Variants in IMPG2 observed in about 807,000 individuals in gnomAD.
IMPG2 encodes the protein IPM 200.
In IMPG2, 91 loss-of-function variants were observed where a neutral mutation model predicts 129.2. The ratio of observed to expected loss-of-function variants is 0.70; its 90% CI spans 0.59 to 0.84. The LOEUF (loss-of-function observed/expected upper bound fraction) is 0.84, where lower values mean the gene tolerates loss of function less well. IMPG2 is among the 40% of genes least tolerant of loss of function. IMPG2 has a pLI of 0.00. For synonymous variants in IMPG2, 510 were observed against 517.7 expected, an observed-to-expected ratio of 0.99 and a Z score of 0.20; for missense variants, 1,430 against 1,461.7, an observed-to-expected ratio of 0.98 and a Z score of 0.35.
intron 11 of IMPG2, 48 bp downstream of exon 11, chr3:101,253,645 AAAG>A (rs765763346): frequency 8.0e-7 from 1 of 1,250,856 alleles, no homozygotes; most frequent in African/African-American, 1.5e-5. Flanking sequence ...GTGCAGGAAG[AAAG>A]AAGAGAAGCT....
In IMPG2 at chr3:101,243,718, A is replaced by G; in HGVS notation, c.2613T>C (p.Ser871=). The change falls in exon 13 of 19, where the codon AGT becomes AGC. Residue 871 remains serine (S), a synonymous_variant. Coordinates refer to ENST00000193391, the MANE Select transcript of IMPG2 (RefSeq NM_016247.4). ...KVGSYVEMST[S]VHSTEMVSVA... is the part of the protein sequence containing the mutation. ...CACTAACCATCTCTGTGGAGTGAAC[A>G]CTTGTTGACATTTCCACATAACTAC... 6.2e-7 allele frequency: 1 copy of G among 1,613,940 alleles called. No individual in the cohort carries two copies.
At chr3:101,234,553 A>G (rs1184476586) in intron 14 of IMPG2, among the ~76,000 whole-genome samples, 1 of 152,224 alleles carries the variant, frequency 6.6e-6, no homozygotes, top group Admixed American at 6.5e-5. Context: ...TAACAGGAAA[A>G]ACATACAAAT....
In IMPG2 at chr3:101,226,225, TTATATATATATATATATATA is replaced by T. The variant is rs66908707; in HGVS notation, c.*724_*743del. ...TAGATTAATGGGAATCTTCTAAACT[TTATATATATATATATATATA>T]TATATATATATATATATATATATAT... is the stretch of plus-strand genomic sequence containing the variant. On this transcript the variant is annotated 3_prime_UTR_variant, in exon 19 of 19. Transcript: ENST00000193391. 912 of 102,802 alleles carry T rather than the reference TTATATATATATATATATATA, an allele frequency of 8.9e-3. 24 individuals are homozygous for T. The highest frequency in any genetic ancestry group is 0.032 in the African/African-American group (737 of 22,862). The allele number at this position is 102,802 out of a possible 1,614,324, so 6.4% of individuals were successfully genotyped here.
At chr3:101,309,092 G>T (rs1036203046) in intron 2 of IMPG2, among the ~76,000 whole-genome samples, 1 of 152,140 alleles carries the variant, frequency 6.6e-6, no homozygotes, top group Non-Finnish European at 1.5e-5. Context: ...CCTCAGCCTG[G>T]ACTTCATTGT....
chr3:101,228,754 T>C, intron 18 of IMPG2, 43 bp downstream of exon 18: 2 of 1,473,032 alleles, frequency 1.4e-6, no homozygotes, highest in Non-Finnish European at 1.9e-6. Context: ...GAGTAAACTG[T>C]TAAGTCTGTA....
In IMPG2 at chr3:101,244,486, T is replaced by C; in HGVS notation, c.1845A>G (p.Pro615=). 1 of 1,613,612 alleles carries C rather than the reference T, an allele frequency of 6.2e-7. No individual in the cohort carries two copies. The highest frequency in any genetic ancestry group is 1.7e-5 in the Admixed American group (1 of 59,984). Reference sequence around the variant, plus strand: ...TCTTCTCTGATGAAGTCTCACTCCATGGCCAAGTAATCAGATCTACCTTTT... The same window carrying C: ...TCTTCTCTGATGAAGTCTCACTCCACGGCCAAGTAATCAGATCTACCTTTT... The part of the protein sequence containing the change: ...SGQKVDLITW[P]WSETSSEKSA... Residue 615 remains proline, a synonymous_variant, in exon 13 of 19, where the codon CCA becomes CCG. Coordinates refer to ENST00000193391, the MANE Select transcript of IMPG2 (RefSeq NM_016247.4).
At chr3:101,279,312 A>C (rs904100578) in intron 4 of IMPG2, among the ~76,000 whole-genome samples, 3 of 152,226 alleles carry the variant, frequency 2.0e-5, no homozygotes, top group Non-Finnish European at 4.4e-5. Context: ...AACTAATGCT[A>C]GAAGAGGTTA....
chr3:101,290,698 A>G (rs532581715), intron 4 of IMPG2, among the ~76,000 whole-genome samples: 1 of 152,144 alleles, frequency 6.6e-6, no homozygotes, highest in Non-Finnish European at 1.5e-5. Context: ...GATATACCCC[A>G]CTACCACCCA....
At chr3:101,305,235 T>C (rs549152347) in intron 2 of IMPG2, among the ~76,000 whole-genome samples, 14 of 152,180 alleles carry the variant, frequency 9.2e-5, no homozygotes, top group African/African-American at 2.6e-4. Flanking sequence ...AGGAAGCCAA[T>C]CTGAAATGAC....
chr3:101,256,221 AAAATATCT>A, intron 10 of IMPG2, among the ~76,000 whole-genome samples: 1 of 131,564 alleles, frequency 7.6e-6, no homozygotes, highest in African/African-American at 2.9e-5. Flanking sequence ...AAGAAAGAAA[AAAATATCT>A]TATTTGGGAA....
intron 4 of IMPG2, among the ~76,000 whole-genome samples, chr3:101,283,880 G>A (rs1192422170): frequency 8.0e-6 from 1 of 124,992 alleles, no homozygotes; most frequent in African/African-American, 2.7e-5. Flanking sequence ...CGAATATATA[G>A]ACTAATAAGA....
At chr3:101,261,679 A>G (rs1706672750) in intron 9 of IMPG2, among the ~76,000 whole-genome samples, 2 of 152,132 alleles carry the variant, frequency 1.3e-5, no homozygotes, top group South Asian at 4.1e-4. Context: ...AGTGCTTGAG[A>G]TACCAGAAAA....
chr3:101,282,190 A>G lies in IMPG2; in HGVS notation c.534-5477T>C, dbSNP rs577769085. Reference sequence around the variant, plus strand: ...AAAATATTTGCTGAAAAAAATATATATTTGGCTTTGTGGTCCATGGAAATC... The same window carrying G: ...AAAATATTTGCTGAAAAAAATATATGTTTGGCTTTGTGGTCCATGGAAATC... On this transcript the variant is annotated intron_variant, in intron 4 of 18. Coordinates refer to ENST00000193391, the MANE Select transcript of IMPG2 (RefSeq NM_016247.4). Among the ~76,000 whole-genome samples the G allele has an allele frequency of 5.3e-5, 8 of 152,264 alleles. No homozygotes were observed. In the South Asian group the frequency reaches 1.0e-3, roughly 20 times the overall value.
At chr3:101,282,873 A>G (rs538822699) in intron 4 of IMPG2, among the ~76,000 whole-genome samples, 97 of 152,310 alleles carry the variant, frequency 6.4e-4, no homozygotes, top group Non-Finnish European at 1.2e-3. Flanking sequence ...TCACTTTACA[A>G]TAATTTATAA....
chr3:101,302,801 C>T (rs1038509698), intron 3 of IMPG2, among the ~76,000 whole-genome samples: 10 of 152,052 alleles, frequency 6.6e-5, no homozygotes, highest in Non-Finnish European at 1.2e-4. Context: ...ATGTGAGGTG[C>T]CATGATTAAA....
intron 4 of IMPG2, among the ~76,000 whole-genome samples, chr3:101,289,576 T>C (rs1706983529): frequency 6.6e-6 from 1 of 152,114 alleles, no homozygotes. Flanking sequence ...TAAAAAACTA[T>C]GGCTGAACCA....
At chr3:101,300,483 C>A (rs1006093432) in intron 3 of IMPG2, among the ~76,000 whole-genome samples, 3 of 152,230 alleles carry the variant, frequency 2.0e-5, no homozygotes. Context: ...TGTTGAAAAT[C>A]TGCTTGGTTC....
intron 14 of IMPG2, among the ~76,000 whole-genome samples, chr3:101,235,071 C>T (rs564262102): frequency 6.6e-6 from 1 of 152,308 alleles, no homozygotes; most frequent in East Asian, 1.9e-4. Flanking sequence ...TTTTATACAA[C>T]ATTTTAAATA....
At chr3:101,290,937 C>A (rs1707003062) in intron 4 of IMPG2, among the ~76,000 whole-genome samples, 1 of 152,146 alleles carries the variant, frequency 6.6e-6, no homozygotes, top group Non-Finnish European at 1.5e-5. Flanking sequence ...GCTTTAGCCC[C>A]TGTAGGCTCA....
Sources: gnomAD v4.1 joint callset for allele counts (sites outside exome capture counted in the v4.1 genomes callset) on GRCh38, gnomAD v4.1.1 for gene constraint, MANE v1.5 for transcripts, NCBI Gene and HGNC (gene_info 2026-07-23, HGNC 2026-07-21) for gene names.